The following MACROD1 variants were observed in gnomAD, a reference collection of about 807,000 sequenced individuals.
MACROD1 encodes mono-ADP ribosylhydrolase 1, also known as ADP-ribose glycohydrolase MACROD1.
MACROD1 carries 31 observed loss-of-function variants against 41.4 expected under a neutral mutation model. The ratio of observed to expected loss-of-function variants is 0.75; its 90% CI spans 0.56 to 1.01. The LOEUF (loss-of-function observed/expected upper bound fraction) is 1.01, where lower values mean the gene tolerates loss of function less well. Among genes scored for constraint, MACROD1 ranks in the 50% least tolerant of loss-of-function variants. The probability of loss-of-function intolerance (pLI) is 0.00; values close to 1 mark genes in which losing one functional copy is unlikely to be tolerated. For synonymous variants in MACROD1, 252 were observed against 203.4 expected (o/e 1.24, Z -2.03); for missense variants, 473 against 460.0 (o/e 1.03, Z -0.26).
chr11:64,100,350 G>A (rs929780632), intron 3 of MACROD1, among the ~76,000 whole-genome samples: 5 of 152,206 alleles, frequency 3.3e-5, no homozygotes, highest in Non-Finnish European at 7.3e-5. Context: ...GACAACAAAA[G>A]TAGAAAATTG....
chr11:64,062,857 C>T (rs996172100), intron 3 of MACROD1, among the ~76,000 whole-genome samples: 1 of 152,220 alleles, frequency 6.6e-6, no homozygotes, highest in African/African-American at 2.4e-5. Context: ...GCACCTCCAC[C>T]CCGGCCCCGC....
chr11:64,121,028 G>C (rs563197414), intron 3 of MACROD1, among the ~76,000 whole-genome samples: 1 of 152,196 alleles, frequency 6.6e-6, no homozygotes, highest in Admixed American at 6.5e-5. Flanking sequence ...CAGGTGGCCC[G>C]GACCGTGAGA....
At chr11:64,140,884 T>C (rs1259865114) in intron 3 of MACROD1, among the ~76,000 whole-genome samples, 1 of 152,150 alleles carries the variant, frequency 6.6e-6, no homozygotes, top group Non-Finnish European at 1.5e-5. Context: ...CCTGTAATCC[T>C]AGCACTTTGG....
chr11:64,159,314 G>A (rs1328313849), intron 1 of MACROD1, among the ~76,000 whole-genome samples: 17 of 97,556 alleles, frequency 1.7e-4, no homozygotes, highest in Admixed American at 1.1e-3. Context: ...GCGAGTCTCC[G>A]TCTCAGAAAA....
chr11:64,127,350 C>T (rs1041814517), intron 3 of MACROD1, among the ~76,000 whole-genome samples: 4 of 152,224 alleles, frequency 2.6e-5, no homozygotes, highest in Non-Finnish European at 4.4e-5. Flanking sequence ...GCCAGGTGTC[C>T]GGGGCACACG....
In MACROD1 at chr11:64,146,614, G is replaced by A. The variant is rs369104903; in HGVS notation, c.517+4625C>T. Among the ~76,000 whole-genome samples the A allele has an allele frequency of 5.3e-5, 8 of 151,960 alleles. No individual in the cohort carries two copies. Among genetic ancestry groups the A allele is most frequent in the South Asian group, 2.1e-4 (1 of 4,828 alleles). ...CCTGCAACTTCAAGCCCTGCCACCC[G>A]CCAGCCAGGCATCCCCACTTCTATG... On this transcript the variant is annotated intron_variant, in intron 3 of 10. Coordinates refer to ENST00000255681, the MANE Select transcript of MACROD1 (RefSeq NM_014067.4). This position sits in a 1 kb window ranked among gnomAD's most constrained non-coding sequence, Gnocchi z 4.7.
chr11:64,113,937 C>CGGATGGAT (rs562555774), intron 3 of MACROD1, among the ~76,000 whole-genome samples: 2 of 66,520 alleles, frequency 3.0e-5, no homozygotes, highest in Non-Finnish European at 6.0e-5. Flanking sequence ...GATTGATGCA[C>CGGATGGAT]GGATGGATGG....
At chr11:63,999,197 C>G (rs1047767666) in intron 8 of MACROD1, 134 bp downstream of exon 8, 3 of 1,379,832 alleles carry the variant, frequency 2.2e-6, no homozygotes, top group Non-Finnish European at 3.0e-6. Context: ...GCCAGGCGCC[C>G]TTGCGCAGGA....
intron 3 of MACROD1, among the ~76,000 whole-genome samples, chr11:64,072,812 T>TG (rs1160293353): frequency 6.6e-6 from 1 of 152,226 alleles, no homozygotes; most frequent in Non-Finnish European, 1.5e-5. Context: ...ACCCTGCATG[T>TG]GGCTCAGTGG....
At chr11:64,093,310 G>A (rs1029529564) in intron 3 of MACROD1, among the ~76,000 whole-genome samples, 11 of 152,210 alleles carry the variant, frequency 7.2e-5, no homozygotes, top group Admixed American at 1.3e-4. Flanking sequence ...TCAGCTGCTG[G>A]TGTTGTCACT....
Position 64,157,292 on chromosome 11 carries a change from C to T in MACROD1, c.299-4899G>A, listed in dbSNP as rs544332582. Among the ~76,000 whole-genome samples the T allele has an allele frequency of 2.2e-4, 34 of 152,250 alleles. 1 individual carries two copies. The highest frequency in any genetic ancestry group is 4.3e-4 in the Non-Finnish European group (29 of 68,020). On this transcript the variant is annotated intron_variant, in intron 1 of 10. Transcript: ENST00000255681. The stretch of plus-strand genomic sequence containing the variant: ...TATTTTTAATAGAGACGGGGTTTCA[C>T]GATGTTGCCCAAGCTGGTCGTGAAC...
chr11:64,150,573 C>T (rs1945560588), intron 3 of MACROD1, among the ~76,000 whole-genome samples: 1 of 152,236 alleles, frequency 6.6e-6, no homozygotes, highest in African/African-American at 2.4e-5. Flanking sequence ...TTCCACAAGC[C>T]ACCTGCTCGA....
chr11:64,162,216 T>G (rs998798620), intron 1 of MACROD1, among the ~76,000 whole-genome samples: 2 of 152,074 alleles, frequency 1.3e-5, no homozygotes, highest in African/African-American at 4.8e-5. Context: ...TGGTGGCGTA[T>G]GCCTGTAGTT....
At chr11:64,074,560 G>C (rs1358579373) in intron 3 of MACROD1, among the ~76,000 whole-genome samples, 1 of 152,194 alleles carries the variant, frequency 6.6e-6, no homozygotes, top group South Asian at 2.1e-4. Context: ...AAGCAATTCC[G>C]ATGTCACCTC....
intron 3 of MACROD1, among the ~76,000 whole-genome samples, chr11:64,119,994 A>T (rs1295111001): frequency 6.6e-6 from 1 of 152,118 alleles, no homozygotes; most frequent in Non-Finnish European, 1.5e-5. Flanking sequence ...CAAAGAGGAG[A>T]TGCTGGTCCG....
intron 4 of MACROD1, among the ~76,000 whole-genome samples, chr11:64,002,242 C>T (rs746732997): frequency 6.6e-6 from 1 of 152,206 alleles, no homozygotes; most frequent in Admixed American, 6.5e-5. Context: ...TGCTCGAAGT[C>T]TCTGGGGGCT....
intron 3 of MACROD1, among the ~76,000 whole-genome samples, chr11:64,092,865 A>G (rs539682915): frequency 7.9e-5 from 12 of 152,370 alleles, no homozygotes; most frequent in African/African-American, 1.9e-4. Context: ...GACAAAGTCA[A>G]TGGGTAACCG....
chr11:64,158,523 G>C (rs1228581050), intron 1 of MACROD1, among the ~76,000 whole-genome samples: 1 of 152,112 alleles, frequency 6.6e-6, no homozygotes, highest in Non-Finnish European at 1.5e-5. Context: ...GATTACAGGC[G>C]TGAGCCACCA....
intron 3 of MACROD1, among the ~76,000 whole-genome samples, chr11:64,077,423 G>C (rs888499665): frequency 1.3e-5 from 2 of 152,146 alleles, no homozygotes; most frequent in Non-Finnish European, 2.9e-5. Flanking sequence ...CCCCGTCCTC[G>C]GATTTTCCCC....
Sources: gnomAD v4.1 joint callset for allele counts (sites outside exome capture counted in the v4.1 genomes callset) on GRCh38, gnomAD v4.1.1 for gene constraint, Gnocchi (gnomAD v3.1) non-coding constraint, MANE v1.5 for transcripts, NCBI Gene and HGNC (gene_info 2026-07-23, HGNC 2026-07-21) for gene names.